The following SUPT3H variants were observed in gnomAD, a reference collection of about 807,000 sequenced individuals.
The protein encoded by SUPT3H is transcription initiation protein SPT3 homolog.
SUPT3H carries 44 observed loss-of-function variants against 44.3 expected under a neutral mutation model. That is an observed-to-expected ratio of 0.99 (90% CI 0.78 to 1.28). SUPT3H has a LOEUF of 1.28. Ranked by LOEUF, SUPT3H falls within the 50% of genes most tolerant of loss-of-function variation. The pLI is 0.00. For synonymous variants in SUPT3H, 124 were observed against 125.6 expected (o/e 0.99, Z 0.09); for missense variants, 380 against 387.1 (o/e 0.98, Z 0.15).
At chr6:45,345,566 T>C (rs1790682468) in intron 2 of SUPT3H, among the ~76,000 whole-genome samples, 1 of 152,160 alleles carries the variant, frequency 6.6e-6, no homozygotes, top group African/African-American at 2.4e-5. Context: ...TCATTTTTGG[T>C]AACTAATTCT....
chr6:45,191,702 G>A (rs1019212171), intron 2 of SUPT3H, among the ~76,000 whole-genome samples: 1 of 151,936 alleles, frequency 6.6e-6, no homozygotes, highest in Non-Finnish European at 1.5e-5. Flanking sequence ...ACAAAAATAA[G>A]ATAAATGTGG....
At chr6:45,022,435 T>A (rs1465272166) in intron 3 of SUPT3H, among the ~76,000 whole-genome samples, 1 of 137,554 alleles carries the variant, frequency 7.3e-6, no homozygotes, top group Non-Finnish European at 1.6e-5. Flanking sequence ...TTTTTTTTTA[T>A]TTTCAGAACC....
chr6:45,363,552 C>T (rs1794627294), intron 2 of SUPT3H, among the ~76,000 whole-genome samples: 1 of 152,132 alleles, frequency 6.6e-6, no homozygotes, highest in Non-Finnish European at 1.5e-5. Flanking sequence ...ACCAGCTCTA[C>T]AGAAAATGAA....
chr6:45,273,567 A>G (rs1162961024), intron 2 of SUPT3H, among the ~76,000 whole-genome samples: 1 of 152,188 alleles, frequency 6.6e-6, no homozygotes, highest in African/African-American at 2.4e-5. Flanking sequence ...TTTAAAAAAA[A>G]TGTGAAACCC....
chr6:45,258,551 T>C (rs1261472840), intron 2 of SUPT3H, among the ~76,000 whole-genome samples: 2 of 152,164 alleles, frequency 1.3e-5, no homozygotes, highest in South Asian at 2.1e-4. Context: ...ATTTAAAGAG[T>C]TATCATTCAG....
intron 2 of SUPT3H, among the ~76,000 whole-genome samples, chr6:45,347,258 A>AAT (rs1323488195): frequency 2.0e-5 from 3 of 152,214 alleles, no homozygotes; most frequent in Admixed American, 6.5e-5. Context: ...ACTACAGTGA[A>AAT]TAATTAAATT....
At chr6:45,063,221 G>A (rs1264409827) in intron 3 of SUPT3H, among the ~76,000 whole-genome samples, 1 of 142,620 alleles carries the variant, frequency 7.0e-6, no homozygotes, top group Non-Finnish European at 1.5e-5. Flanking sequence ...CACACGGCAG[G>A]GTATTCCAAC....
chr6:44,934,793 TAAG>T (rs569773196), intron 9 of SUPT3H, among the ~76,000 whole-genome samples: 223 of 152,180 alleles, frequency 1.5e-3, no homozygotes, highest in African/African-American at 5.2e-3. Context: ...TCCAGAACTA[TAAG>T]AAATACATTC....
chr6:45,232,757 G>A (rs1768291411), intron 2 of SUPT3H, among the ~76,000 whole-genome samples: 1 of 152,118 alleles, frequency 6.6e-6, no homozygotes, highest in Non-Finnish European at 1.5e-5. Context: ...TCTGTGACAG[G>A]AGCACCACAG....
At chr6:45,155,817 C>T (rs1306263776) in intron 2 of SUPT3H, among the ~76,000 whole-genome samples, 1 of 152,056 alleles carries the variant, frequency 6.6e-6, no homozygotes, top group African/African-American at 2.4e-5. Flanking sequence ...CATATTAGGG[C>T]AATGGAGCTA....
chr6:44,915,567 C>T (rs1296901807), intron 10 of SUPT3H, among the ~76,000 whole-genome samples: 3 of 152,096 alleles, frequency 2.0e-5, no homozygotes, highest in African/African-American at 7.2e-5. Context: ...CCACATTATA[C>T]CCTCCAGCAT....
intron 3 of SUPT3H, among the ~76,000 whole-genome samples, chr6:45,052,697 A>T (rs1407228996): frequency 6.6e-6 from 1 of 152,210 alleles, no homozygotes; most frequent in East Asian, 1.9e-4. Flanking sequence ...AGTCATGAGA[A>T]ATAAATCCAT....
At chr6:45,074,753 C>T (rs1421452638) in intron 3 of SUPT3H, among the ~76,000 whole-genome samples, 1 of 151,928 alleles carries the variant, frequency 6.6e-6, no homozygotes, top group East Asian at 1.9e-4. Flanking sequence ...CATGGGAGTG[C>T]AGAACTGTCA....
intron 6 of SUPT3H, among the ~76,000 whole-genome samples, chr6:44,986,622 C>G (rs73737805): frequency 6.6e-6 from 1 of 152,008 alleles, no homozygotes; most frequent in African/African-American, 2.4e-5. Flanking sequence ...TTCACTGGTT[C>G]GCTCTAAGCA....
At chr6:45,280,085 T>C (rs1777715453) in intron 2 of SUPT3H, among the ~76,000 whole-genome samples, 1 of 152,194 alleles carries the variant, frequency 6.6e-6, no homozygotes, top group African/African-American at 2.4e-5. Context: ...GAGAATCTAA[T>C]CATGTCTCAC....
At chr6:44,844,710 C>G (rs985710219) in intron 10 of SUPT3H, among the ~76,000 whole-genome samples, 5 of 152,128 alleles carry the variant, frequency 3.3e-5, no homozygotes, top group Non-Finnish European at 5.9e-5. Flanking sequence ...TCAGAAAACA[C>G]ATCAGTGATT....
In SUPT3H at chr6:45,078,768, C is replaced by T. The variant is rs1001945647; in HGVS notation, c.186+27154G>A. ...CCTTTCAGCACTTTGAATACAACAC[C>T]TCATTCTCTTCTGGCCTACAAAGTT... On this transcript the variant is annotated intron_variant, in intron 3 of 10. Coordinates refer to ENST00000371459, the MANE Select transcript of SUPT3H (RefSeq NM_003599.4). 7.2e-5 allele frequency among the ~76,000 whole-genome samples: 11 copies of T among 152,202 alleles called. No homozygotes were observed. The East Asian group carries it at 1.5e-3, about 21-fold the overall frequency.
intron 10 of SUPT3H, among the ~76,000 whole-genome samples, chr6:44,895,878 A>T (rs1398764298): frequency 6.6e-6 from 1 of 151,732 alleles, no homozygotes; most frequent in Non-Finnish European, 1.5e-5. Flanking sequence ...GACATAACTA[A>T]AGTAGGGTAA....
intron 2 of SUPT3H, among the ~76,000 whole-genome samples, chr6:45,228,481 G>A (rs1003243043): frequency 1.3e-5 from 2 of 150,848 alleles, no homozygotes; most frequent in African/African-American, 2.5e-5. Flanking sequence ...TTATATAGGA[G>A]CTTCTAGCCT....
Sources: allele counts gnomAD v4.1 joint callset (sites outside exome capture counted in the v4.1 genomes callset), GRCh38; gene constraint gnomAD v4.1.1; transcripts MANE v1.5; gene names NCBI Gene and HGNC (gene_info 2026-07-23, HGNC 2026-07-21).